DNAH5: variants seen among roughly 807,000 people sequenced by gnomAD.
The protein encoded by DNAH5 is dynein axonemal heavy chain 5.
In DNAH5, 372 loss-of-function variants were observed where a neutral mutation model predicts 518.2. The observed-to-expected ratio is 0.72, with a 90% CI of 0.66 to 0.78. The LOEUF is 0.78. Ranked by LOEUF, DNAH5 falls within the 30% of genes least tolerant of loss-of-function variation. DNAH5 has a pLI of 0.00. For missense variants in DNAH5, 5,523 were observed against 5,687.0 expected (o/e 0.97, Z 0.93); for synonymous variants, 2,039 against 2,025.9 (o/e 1.01, Z -0.17).
chr5:13,753,604 A>G, intron 62 of DNAH5, 55 bp from the exon 63 acceptor site: 1 of 1,440,346 alleles, frequency 6.9e-7, no homozygotes, highest in Non-Finnish European at 9.6e-7. Context: ...GTGTGATTGT[A>G]CAGCATATTA....
At chr5:13,878,819 A>C (rs1386881442) in intron 21 of DNAH5, among the ~76,000 whole-genome samples, 1 of 152,234 alleles carries the variant, frequency 6.6e-6, no homozygotes, top group African/African-American at 2.4e-5. Flanking sequence ...CATTTGCCAC[A>C]GATCCTCTCT....
rs755142785 is a variant in DNAH5, at chr5:13,870,920, A to C, written c.3681T>G (p.Ser1227Arg). 6.2e-7 allele frequency: 1 copy of C among 1,613,494 alleles called. No individual in the cohort carries two copies. Among genetic ancestry groups the C allele is most frequent in the Non-Finnish European group, 8.5e-7 (1 of 1,179,790 alleles). Residue 1227 changes from serine (S) to arginine (R), a missense_variant, in exon 24 of 79, where the codon AGT becomes AGG. Physicochemically the swap from Ser to Arg is moderately radical, Grantham distance 110. Around this residue, in one of 3 missense-constraint regions of DNAH5, gnomAD observed 5,121 missense variants for 5,223.3 expected, o/e 0.98. Transcript: ENST00000265104. ...TAAGCATAAAAATGTTTTCCATCTC[A>C]CTCCGGTATTTTTTGTTACAGTGGC... ...IGRHCNKKYR[S>R]EMENIFMLIE...
intron 68 of DNAH5, among the ~76,000 whole-genome samples, chr5:13,733,369 G>A (rs1746880392): frequency 6.6e-6 from 1 of 152,126 alleles, no homozygotes; most frequent in Admixed American, 6.5e-5. Flanking sequence ...TTATTTCTAT[G>A]TGGAAATACA....
intron 68 of DNAH5, among the ~76,000 whole-genome samples, chr5:13,731,720 T>C (rs142052811): frequency 5.2e-4 from 79 of 152,342 alleles, no homozygotes; most frequent in African/African-American, 1.6e-3. Flanking sequence ...TACATGCTTA[T>C]AATGAAAGTT....
chr5:13,810,096 G>A lies in DNAH5; in HGVS notation c.7572C>T (p.Pro2524=), dbSNP rs200333759. The A allele has an allele frequency of 1.3e-6, 2 of 1,552,402 alleles. No homozygotes were observed. Among genetic ancestry groups the A allele is most frequent in the East Asian group, 2.4e-5 (1 of 41,208 alleles). The change falls in exon 45 of 79, where the codon CCC becomes CCT. Residue 2524 remains proline (P), a synonymous_variant. Coordinates refer to ENST00000265104, the MANE Select transcript of DNAH5 (RefSeq NM_001369.3). Reference sequence around the variant, plus strand: ...CATAGTAGTCGAAGGCGGTGTCCCCGGGCCCCGCTGGCGGCGGCAGCTCCA... The same window carrying A: ...CATAGTAGTCGAAGGCGGTGTCCCCAGGCCCCGCTGGCGGCGGCAGCTCCA... The part of the protein sequence containing the change: ...GTLELPPPAG[P]GDTAFDYYVA...
At position 13,735,022 on chromosome 5, in the gene DNAH5, C is replaced by G. The variant is rs1203208609; in HGVS notation, c.11761+109G>C. 4.3e-5 allele frequency: 41 copies of G among 951,748 alleles called. No individual in the cohort carries two copies. In the East Asian group the frequency reaches 1.0e-3, roughly 24 times the overall value. 59.0% of individuals were successfully genotyped at this position (951,748 alleles called of 1,614,324 possible). A position where few individuals can be genotyped will look rare whatever the true frequency, so the allele number is the denominator to read the frequency against. ...ATAAAATATCTCATCTAAATGCAGT[C>G]TTACATAATGCAAGGCAATTGTTAT... On this transcript the variant is annotated intron_variant, in intron 68 of 78. Transcript: ENST00000265104.
intron 3 of DNAH5, among the ~76,000 whole-genome samples, chr5:13,926,654 G>C (rs1777900886): frequency 6.6e-6 from 1 of 151,730 alleles, no homozygotes; most frequent in African/African-American, 2.4e-5. Context: ...AGAACATCCA[G>C]GAAAGTCACA....
chr5:13,864,720 T>C (rs1190410529), intron 27 of DNAH5, 83 bp from the exon 28 acceptor site: 1 of 1,446,280 alleles, frequency 6.9e-7, no homozygotes, highest in East Asian at 2.3e-5. Context: ...AGTATTTCTA[T>C]TAAAAACAGT....
At chr5:13,743,814 C>T (rs1041478729) in intron 65 of DNAH5, among the ~76,000 whole-genome samples, 2 of 152,010 alleles carry the variant, frequency 1.3e-5, no homozygotes, top group Non-Finnish European at 2.9e-5. Context: ...ATAACAAATG[C>T]TGATGAAGAT....
chr5:13,876,602 A>T (rs977490258), intron 22 of DNAH5, 82 bp downstream of exon 22: 20 of 1,543,412 alleles, frequency 1.3e-5, no homozygotes, highest in Non-Finnish European at 1.8e-5. Flanking sequence ...AGGCTACATA[A>T]AGGACAACTT....
At chr5:13,715,876 T>C (rs1419253962) in intron 74 of DNAH5, among the ~76,000 whole-genome samples, 2 of 152,206 alleles carry the variant, frequency 1.3e-5, no homozygotes, top group Non-Finnish European at 2.9e-5. Flanking sequence ...GGGGTTGTTA[T>C]TGGCATCCCG....
chr5:13,707,436 G>A lies in DNAH5; in HGVS notation c.13338+687C>T, dbSNP rs903935846. Among the ~76,000 whole-genome samples the A allele has an allele frequency of 6.6e-6, 1 of 152,158 alleles. No homozygotes were observed. The highest frequency in any genetic ancestry group is 2.4e-5 in the African/African-American group (1 of 41,420). ...AGGGTCTAATTGAGCTGATTAACGC[G>A]AGCCATCTGCAGATGGCAAAACTGA... is the stretch of plus-strand genomic sequence containing the variant. On this transcript the variant is annotated intron_variant, in intron 76 of 78. Transcript: ENST00000265104. This position sits in a 1 kb window ranked among gnomAD's most constrained non-coding sequence, Gnocchi z 4.0.
At position 13,830,790 on chromosome 5, in the gene DNAH5, A is replaced by C. The variant is rs1351427733; in HGVS notation, c.5883-15T>G. On this transcript the variant is annotated splice_polypyrimidine_tract_variant and intron_variant, in intron 35 of 78. Transcript: ENST00000265104. ...TGATGTAACATCTGCATGGGTAGAA[A>C]CATCACTAGAACCAGCCCTCAGTCA... 1 of 1,613,886 alleles carries C rather than the reference A, an allele frequency of 6.2e-7. No homozygotes were observed. Among genetic ancestry groups the C allele is most frequent in the East Asian group, 2.2e-5 (1 of 44,884 alleles).
intron 1 of DNAH5, among the ~76,000 whole-genome samples, chr5:14,001,673 C>CCTT (rs1784363003): frequency 1.8e-5 from 1 of 57,140 alleles, no homozygotes; most frequent in African/African-American, 5.7e-5. Context: ...TAGTTTTTTT[C>CCTT]TTTTCTTTTT....
At chr5:13,809,717 G>A (rs192595043) in intron 45 of DNAH5, among the ~76,000 whole-genome samples, 3 of 152,156 alleles carry the variant, frequency 2.0e-5, no homozygotes, top group African/African-American at 7.2e-5. Context: ...AGATACACAC[G>A]TATTTGGCAA....
intron 3 of DNAH5, among the ~76,000 whole-genome samples, chr5:13,927,567 GA>G (rs1778017200): frequency 6.6e-6 from 1 of 152,068 alleles, no homozygotes; most frequent in Non-Finnish European, 1.5e-5. Flanking sequence ...TTTCATAAAT[GA>G]GAATGATGAA....
At chr5:13,729,995 C>A (rs1746266938) in intron 68 of DNAH5, among the ~76,000 whole-genome samples, 1 of 152,150 alleles carries the variant, frequency 6.6e-6, no homozygotes, top group Non-Finnish European at 1.5e-5. Context: ...AATATTAGCA[C>A]AAGCTAATAT....
intron 70 of DNAH5, 46 bp downstream of exon 70, chr5:13,727,461 C>G (rs765066351): frequency 2.0e-6 from 3 of 1,537,838 alleles, no homozygotes; most frequent in South Asian, 2.5e-5. Context: ...AGAAAATTCT[C>G]TTTAAAAATA....
intron 35 of DNAH5, among the ~76,000 whole-genome samples, chr5:13,830,983 T>A (rs1261892265): frequency 1.3e-5 from 2 of 152,048 alleles, no homozygotes; most frequent in Non-Finnish European, 2.9e-5. Context: ...TATGATCAAC[T>A]AAGTTTAAAA....
Sources: allele counts gnomAD v4.1 joint callset (sites outside exome capture counted in the v4.1 genomes callset), GRCh38; gene constraint gnomAD v4.1.1; regional missense constraint gnomAD v4.1.1; non-coding constraint Gnocchi (gnomAD v3.1); transcripts MANE v1.5; gene names NCBI Gene and HGNC (gene_info 2026-07-23, HGNC 2026-07-21).